RARB: variants seen among roughly 807,000 people sequenced by gnomAD.
The protein encoded by RARB is HBV-activated protein.
A neutral mutation model predicts 51.9 loss-of-function variants in RARB; 17 were observed. That is an observed-to-expected ratio of 0.33 (90% CI 0.22 to 0.49). RARB has a LOEUF of 0.49. Ranked by LOEUF, RARB falls within the 20% of genes least tolerant of loss-of-function variation. The pLI is 0.99. For missense variants in RARB, 369 were observed against 550.8 expected (o/e 0.67, Z 3.30); for synonymous variants, 215 against 195.4 (o/e 1.10, Z -0.84).
chr3:25,012,779 TAAAATGAAATAATTTGATTATTGTTTGGC>T (rs1165653589), intron 2 of RARB, among the ~76,000 whole-genome samples: 5 of 152,070 alleles, frequency 3.3e-5, no homozygotes, highest in Non-Finnish European at 7.4e-5. Context: ...TTTGTGCACA[TAAAATGAAATAATTTGATTATTGTTTGGC>T]TTTATTGTAT....
intron 2 of RARB, among the ~76,000 whole-genome samples, chr3:24,922,982 A>AT (rs1559397586): frequency 6.6e-6 from 1 of 152,124 alleles, no homozygotes. Context: ...AAGAGACTAT[A>AT]TTTTTTCTTT....
chr3:25,188,587 C>T (rs1473180051), intron 5 of RARB, among the ~76,000 whole-genome samples: 2 of 152,126 alleles, frequency 1.3e-5, no homozygotes, highest in African/African-American at 4.8e-5. Flanking sequence ...CTGTCAGCTT[C>T]TTTGAAAGCG....
At chr3:24,847,982 A>C (rs1702506781) in intron 1 of RARB, among the ~76,000 whole-genome samples, 1 of 152,220 alleles carries the variant, frequency 6.6e-6, no homozygotes, top group African/African-American at 2.4e-5. Flanking sequence ...GGGCACACTC[A>C]ATGCTTCAGG....
chr3:25,146,211 T>C (rs17576595), intron 4 of RARB, among the ~76,000 whole-genome samples: 12,824 of 152,236 alleles, frequency 0.084, 695 homozygotes, highest in Non-Finnish European at 0.13. Flanking sequence ...ATGTCTTATG[T>C]ATAATCAGTC....
chr3:25,271,317 C>T (rs1703252414), intron 5 of RARB, among the ~76,000 whole-genome samples: 1 of 152,112 alleles, frequency 6.6e-6, no homozygotes, highest in Admixed American at 6.6e-5. Flanking sequence ...TAATAGTGTG[C>T]TAACCAAAAA....
intron 2 of RARB, among the ~76,000 whole-genome samples, chr3:24,943,048 G>A (rs1161866336): frequency 6.6e-6 from 1 of 152,110 alleles, no homozygotes; most frequent in Non-Finnish European, 1.5e-5. Flanking sequence ...AGAAAGACTG[G>A]CCACTGTGGA....
chr3:24,919,948 C>T (rs900882094), intron 2 of RARB, among the ~76,000 whole-genome samples: 1 of 152,104 alleles, frequency 6.6e-6, no homozygotes, highest in Non-Finnish European at 1.5e-5. Flanking sequence ...AATTAAAATA[C>T]GTGGGTTTTA....
chr3:24,866,528 G>T (rs1405583290), intron 2 of RARB, among the ~76,000 whole-genome samples: 2 of 152,168 alleles, frequency 1.3e-5, no homozygotes, highest in Non-Finnish European at 2.9e-5. Context: ...TAAGAAATAG[G>T]CTTCGTGGGG....
intron 3 of RARB, among the ~76,000 whole-genome samples, chr3:25,511,239 TCTC>T (rs1259965869): frequency 1.3e-5 from 2 of 152,062 alleles, no homozygotes; most frequent in African/African-American, 4.8e-5. Context: ...TTCACGCCAT[TCTC>T]CTGCCTCAGC....
At chr3:25,066,681 A>G (rs964509662) in intron 3 of RARB, among the ~76,000 whole-genome samples, 2 of 151,976 alleles carry the variant, frequency 1.3e-5, no homozygotes, top group African/African-American at 4.8e-5. Context: ...AGAACTTTAC[A>G]TTTTTTTAAA....
intron 3 of RARB, among the ~76,000 whole-genome samples, chr3:25,095,235 C>T (rs1462488698): frequency 6.6e-6 from 1 of 152,172 alleles, no homozygotes. Flanking sequence ...ATGTTAAAAG[C>T]TCTTCAGGTG....
chr3:25,068,374 A>C (rs1452130760), intron 3 of RARB, among the ~76,000 whole-genome samples: 1 of 151,926 alleles, frequency 6.6e-6, no homozygotes, highest in Non-Finnish European at 1.5e-5. Context: ...AAGAATCACT[A>C]ATCACCATAC....
At chr3:25,074,617 G>T (rs1698834126) in intron 3 of RARB, among the ~76,000 whole-genome samples, 1 of 151,998 alleles carries the variant, frequency 6.6e-6, no homozygotes, top group Non-Finnish European at 1.5e-5. Flanking sequence ...AATGGCTGTT[G>T]TTGCTTTCTC....
At chr3:25,100,766 C>A (rs552600104) in intron 3 of RARB, among the ~76,000 whole-genome samples, 1 of 152,114 alleles carries the variant, frequency 6.6e-6, no homozygotes, top group South Asian at 2.1e-4. Flanking sequence ...CATAGCCACT[C>A]GGTCACGTGT....
intron 2 of RARB, among the ~76,000 whole-genome samples, chr3:25,023,682 G>C (rs555143608): frequency 3.3e-4 from 50 of 152,232 alleles, no homozygotes; most frequent in South Asian, 2.3e-3. Context: ...CTATAGATGT[G>C]GTATGTGGAT....
intron 3 of RARB, among the ~76,000 whole-genome samples, chr3:25,111,297 A>G (rs571222426): frequency 6.6e-6 from 1 of 152,318 alleles, no homozygotes; most frequent in South Asian, 2.1e-4. Flanking sequence ...TTTAATTTCA[A>G]AAATTAATTA....
intron 2 of RARB, among the ~76,000 whole-genome samples, chr3:25,050,966 C>T (rs568444784): frequency 1.1e-4 from 16 of 152,218 alleles, no homozygotes; most frequent in Non-Finnish European, 1.9e-4. Context: ...ATATGCTTTC[C>T]AGCTTCTAAA....
At chr3:24,959,867 G>A (rs1696100574) in intron 2 of RARB, among the ~76,000 whole-genome samples, 1 of 152,308 alleles carries the variant, frequency 6.6e-6, no homozygotes, top group East Asian at 1.9e-4. Flanking sequence ...ATGTTCACAA[G>A]AACCCTAGAA....
chr3:25,529,077 G>T (rs1348195441), intron 3 of RARB, among the ~76,000 whole-genome samples: 2 of 151,966 alleles, frequency 1.3e-5, no homozygotes, highest in African/African-American at 4.8e-5. Context: ...ACAATGAGAT[G>T]AGGAGTAATT....
Sources: allele counts gnomAD v4.1 joint callset (sites outside exome capture counted in the v4.1 genomes callset), GRCh38; gene constraint gnomAD v4.1.1; transcripts MANE v1.5; gene names NCBI Gene and HGNC (gene_info 2026-07-23, HGNC 2026-07-21).